The following MACROD2 variants were observed in gnomAD, a reference collection of about 807,000 sequenced individuals.
MACROD2 encodes ADP-ribose glycohydrolase MACROD2.
Under a neutral mutation model 70.4 loss-of-function variants are expected in MACROD2, and 36 were observed. The ratio of observed to expected loss-of-function variants is 0.51; its 90% CI spans 0.39 to 0.68. The LOEUF is 0.68. MACROD2 is among the 30% of genes least tolerant of loss of function. The pLI is 0.00. For synonymous variants in MACROD2, 172 were observed against 178.8 expected (o/e 0.96, Z 0.30); for missense variants, 496 against 538.4 (o/e 0.92, Z 0.78).
At chr20:14,567,963 T>C (rs1295565148) in intron 4 of MACROD2, among the ~76,000 whole-genome samples, 1 of 152,050 alleles carries the variant, frequency 6.6e-6, no homozygotes, top group Non-Finnish European at 1.5e-5. Context: ...TTTCTCATTC[T>C]CCTACTATTG....
At chr20:14,272,860 C>T (rs1449894575) in intron 3 of MACROD2, among the ~76,000 whole-genome samples, 2 of 152,074 alleles carry the variant, frequency 1.3e-5, no homozygotes, top group Non-Finnish European at 2.9e-5. Flanking sequence ...TCTGATAAAA[C>T]AGACTTTAAA....
intron 4 of MACROD2, among the ~76,000 whole-genome samples, chr20:14,650,199 T>C (rs1462099383): frequency 6.6e-6 from 1 of 152,174 alleles, no homozygotes; most frequent in Non-Finnish European, 1.5e-5. Context: ...CATGGGCAAG[T>C]CTTCCTACTT....
At chr20:14,520,707 A>G (rs2085157960) in intron 4 of MACROD2, among the ~76,000 whole-genome samples, 1 of 152,126 alleles carries the variant, frequency 6.6e-6, no homozygotes, top group South Asian at 2.1e-4. Flanking sequence ...TGACTTCCCC[A>G]GGTAGAGCTG....
chr20:14,723,667 G>A (rs1228398275), intron 5 of MACROD2, among the ~76,000 whole-genome samples: 2 of 151,136 alleles, frequency 1.3e-5, no homozygotes, highest in Non-Finnish European at 2.9e-5. Context: ...TATTAGCTGA[G>A]TTTCCTCATG....
rs142066355 is a variant in MACROD2 at position 15,275,074 on chromosome 20, G to A, written c.540+45013G>A. Among the ~76,000 whole-genome samples the A allele has an allele frequency of 1.0e-3, 155 of 152,276 alleles. 6 individuals are homozygous for A. In the East Asian group the frequency reaches 0.027, roughly 27 times the overall value. On this transcript the variant is annotated intron_variant, in intron 6 of 17. Coordinates refer to ENST00000684519, the MANE Select transcript of MACROD2 (RefSeq NM_001351661.2). ...CTGGGGGTGGGGGAGGTGCTAAAGGGTGAAGAATTAGGCTAGATGATCCCA... is the reference window on the plus strand; with the variant it reads ...CTGGGGGTGGGGGAGGTGCTAAAGGATGAAGAATTAGGCTAGATGATCCCA...
At chr20:15,939,618 T>G (rs1417327967) in intron 12 of MACROD2, among the ~76,000 whole-genome samples, 1 of 151,756 alleles carries the variant, frequency 6.6e-6, no homozygotes, top group Non-Finnish European at 1.5e-5. Context: ...TTTTCATGCC[T>G]GCTAACACAT....
At chr20:15,671,697 G>C (rs1282025058) in intron 8 of MACROD2, among the ~76,000 whole-genome samples, 2 of 152,138 alleles carry the variant, frequency 1.3e-5, no homozygotes, top group Non-Finnish European at 2.9e-5. Context: ...TGGAATCATG[G>C]GAACATGTGT....
intron 8 of MACROD2, among the ~76,000 whole-genome samples, chr20:15,714,322 TC>T (rs2050676201): frequency 6.6e-6 from 1 of 152,252 alleles, no homozygotes; most frequent in East Asian, 1.9e-4. Context: ...AGTCCCTGGC[TC>T]CTGCCACTAT....
intron 5 of MACROD2, among the ~76,000 whole-genome samples, chr20:15,027,753 G>C (rs1173525252): frequency 6.6e-6 from 1 of 150,400 alleles, no homozygotes; most frequent in Admixed American, 6.7e-5. Flanking sequence ...GAGAGTGAAT[G>C]TTCTCACCCC....
intron 4 of MACROD2, chr20:14,493,929 T>C (rs1392094919): frequency 1.3e-5 from 2 of 152,592 alleles, no homozygotes; most frequent in Non-Finnish European, 2.9e-5. Context: ...TTCATGACTT[T>C]GTAGCCTGAG....
chr20:15,657,021 T>TGGAAAGAAGAAA lies in MACROD2; in HGVS notation c.645+157181_645+157192dup, dbSNP rs58333642. On this transcript the variant is annotated intron_variant, in intron 8 of 17. Transcript: ENST00000684519. ...AATTGCTTGGTTTCCATGCTTGGCA[T>TGGAAAGAAGAAA]GGAAAGAAGAAAGGAAAGGAGAAAG... Among the ~76,000 whole-genome samples, 633 of 150,312 alleles carry TGGAAAGAAGAAA rather than the reference T, an allele frequency of 4.2e-3. 4 individuals carry two copies. The highest frequency in any genetic ancestry group is 0.015 in the African/African-American group (611 of 40,756).
intron 3 of MACROD2, among the ~76,000 whole-genome samples, chr20:14,379,625 C>T (rs1038241442): frequency 2.6e-5 from 4 of 152,070 alleles, no homozygotes; most frequent in African/African-American, 7.2e-5. Context: ...TTACCTTACC[C>T]TCAGCCCCTG....
intron 3 of MACROD2, among the ~76,000 whole-genome samples, chr20:14,155,109 A>T (rs188880891): frequency 3.0e-4 from 46 of 152,310 alleles, no homozygotes; most frequent in Non-Finnish European, 4.1e-4. Flanking sequence ...TGAAAGTCCT[A>T]GTGAGAGTCA....
At chr20:15,069,760 A>G (rs1161231308) in intron 5 of MACROD2, among the ~76,000 whole-genome samples, 2 of 152,190 alleles carry the variant, frequency 1.3e-5, no homozygotes, top group Admixed American at 6.5e-5. Context: ...TTCCACCTAC[A>G]TTTCAGAGAC....
At chr20:14,515,447 T>C (rs1335893426) in intron 4 of MACROD2, among the ~76,000 whole-genome samples, 1 of 47,622 alleles carries the variant, frequency 2.1e-5, no homozygotes, top group East Asian at 9.9e-4. Context: ...ATAAAGAATA[T>C]GTGAGATACA....
intron 13 of MACROD2, among the ~76,000 whole-genome samples, chr20:15,972,084 T>G (rs904878778): frequency 6.6e-6 from 1 of 152,076 alleles, no homozygotes; most frequent in Admixed American, 6.5e-5. Flanking sequence ...GAATTAAAAA[T>G]TATACTTGAT....
chr20:15,434,805 T>C (rs2046407830), intron 7 of MACROD2, among the ~76,000 whole-genome samples: 1 of 152,124 alleles, frequency 6.6e-6, no homozygotes, highest in Admixed American at 6.6e-5. Context: ...AAAGAAAATG[T>C]GGTATGTATA....
intron 8 of MACROD2, among the ~76,000 whole-genome samples, chr20:15,845,337 A>C (rs1222494323): frequency 6.6e-6 from 1 of 152,070 alleles, no homozygotes; most frequent in African/African-American, 2.4e-5. Context: ...CAAACGCACA[A>C]CTCATAATAT....
At chr20:14,661,977 G>A (rs1986249298) in intron 4 of MACROD2, among the ~76,000 whole-genome samples, 1 of 152,062 alleles carries the variant, frequency 6.6e-6, no homozygotes, top group Non-Finnish European at 1.5e-5. Context: ...AACGGTTATT[G>A]CAATAAGTTC....
Sources: gnomAD v4.1 joint callset for allele counts (sites outside exome capture counted in the v4.1 genomes callset) on GRCh38, gnomAD v4.1.1 for gene constraint, MANE v1.5 for transcripts, NCBI Gene and HGNC (gene_info 2026-07-23, HGNC 2026-07-21) for gene names.